CNTNAP2: variants seen among roughly 807,000 people sequenced by gnomAD.
CNTNAP2 encodes the protein contactin associated protein 2, also known as contactin-associated protein-like 2.
A neutral mutation model predicts 155.2 loss-of-function variants in CNTNAP2; 98 were observed. The observed-to-expected ratio is 0.63, with a 90% CI of 0.54 to 0.75. The LOEUF (loss-of-function observed/expected upper bound fraction) is 0.75, where lower values mean the gene tolerates loss of function less well. Among genes scored for constraint, CNTNAP2 ranks in the 30% least tolerant of loss-of-function variants. CNTNAP2 has a pLI of 0.00. For synonymous variants in CNTNAP2, 651 were observed against 631.2 expected (o/e 1.03, Z -0.47); for missense variants, 1,727 against 1,688.1 (o/e 1.02, Z -0.40).
At chr7:147,620,848 C>A (rs539321983) in intron 12 of CNTNAP2, among the ~76,000 whole-genome samples, 2 of 151,820 alleles carry the variant, frequency 1.3e-5, no homozygotes, top group Non-Finnish European at 2.9e-5. Flanking sequence ...AATAACAAAA[C>A]CCTAGGGAAA....
At chr7:147,046,130 C>T (rs1420841299) in intron 4 of CNTNAP2, among the ~76,000 whole-genome samples, 1 of 152,066 alleles carries the variant, frequency 6.6e-6, no homozygotes, top group Non-Finnish European at 1.5e-5. Context: ...AAAGGGAACC[C>T]AGGTAGTCTG....
intron 1 of CNTNAP2, among the ~76,000 whole-genome samples, chr7:146,680,513 G>T (rs1800483272): frequency 6.6e-6 from 1 of 152,124 alleles, no homozygotes; most frequent in Non-Finnish European, 1.5e-5. Context: ...AAGGAAGATA[G>T]AGTTTTGCCT....
At chr7:147,016,775 G>T (rs11982875) in intron 3 of CNTNAP2, among the ~76,000 whole-genome samples, 24,884 of 151,912 alleles carry the variant, frequency 0.16, 2,476 homozygotes, top group African/African-American at 0.27. Context: ...TGTTTTTCAA[G>T]GAAAAATGGG....
At chr7:146,460,227 C>T (rs1005350130) in intron 1 of CNTNAP2, among the ~76,000 whole-genome samples, 3 of 152,116 alleles carry the variant, frequency 2.0e-5, no homozygotes, top group Non-Finnish European at 4.4e-5. Flanking sequence ...CAGTTCAATA[C>T]ATTACTTGTT....
chr7:146,844,508 T>TAG (rs66791103), intron 3 of CNTNAP2, among the ~76,000 whole-genome samples: 5 of 151,518 alleles, frequency 3.3e-5, no homozygotes, highest in South Asian at 2.1e-4. Context: ...TATAATCTGT[T>TAG]AGAGAGAGAG....
intron 15 of CNTNAP2, among the ~76,000 whole-genome samples, chr7:148,023,419 G>A (rs1234425067): frequency 1.3e-5 from 2 of 152,168 alleles, no homozygotes; most frequent in East Asian, 3.9e-4. Context: ...ATATTCATCT[G>A]TTGTTTTGTT....
chr7:147,931,864 T>G (rs1042416977), intron 14 of CNTNAP2, among the ~76,000 whole-genome samples: 2 of 152,088 alleles, frequency 1.3e-5, no homozygotes, highest in African/African-American at 2.4e-5. Flanking sequence ...ATAACATTCT[T>G]TTTTCTTTAT....
At chr7:146,616,996 G>A (rs1488092807) in intron 1 of CNTNAP2, among the ~76,000 whole-genome samples, 1 of 145,502 alleles carries the variant, frequency 6.9e-6, no homozygotes, top group Non-Finnish European at 1.5e-5. Flanking sequence ...GAAAAAGTGT[G>A]TATTCCAGGA....
At chr7:146,754,548 C>CTCTCTG (rs765022121) in intron 1 of CNTNAP2, among the ~76,000 whole-genome samples, 2 of 131,348 alleles carry the variant, frequency 1.5e-5, no homozygotes, top group Admixed American at 7.1e-5. Context: ...CTCTCTCTCT[C>CTCTCTG]TCTCTGTCTC....
chr7:146,560,259 G>A (rs980897096), intron 1 of CNTNAP2, among the ~76,000 whole-genome samples: 2 of 151,920 alleles, frequency 1.3e-5, no homozygotes, highest in African/African-American at 2.4e-5. Context: ...TTTTAATGCC[G>A]ATGAGTTTGT....
intron 13 of CNTNAP2, among the ~76,000 whole-genome samples, chr7:147,740,614 G>T (rs1210002372): frequency 6.6e-6 from 1 of 152,142 alleles, no homozygotes; most frequent in African/African-American, 2.4e-5. Context: ...GAAGAAACTT[G>T]TCATTCACTT....
chr7:147,010,200 C>T (rs1319665296), intron 3 of CNTNAP2, among the ~76,000 whole-genome samples: 4 of 151,570 alleles, frequency 2.6e-5, no homozygotes, highest in South Asian at 2.1e-4. Flanking sequence ...AATAGAGACA[C>T]GGTTTCCCCA....
intron 1 of CNTNAP2, among the ~76,000 whole-genome samples, chr7:146,700,211 G>T (rs1800852092): frequency 6.6e-6 from 1 of 152,028 alleles, no homozygotes. Flanking sequence ...CAGTTTTCTG[G>T]TTGTTGGATC....
chr7:147,364,883 A>T (rs1262454902), intron 9 of CNTNAP2, among the ~76,000 whole-genome samples: 1 of 152,084 alleles, frequency 6.6e-6, no homozygotes, highest in East Asian at 1.9e-4. Flanking sequence ...CCATGTTAAA[A>T]ATTACTTTGG....
At chr7:146,303,576 G>A (rs1800653215) in intron 1 of CNTNAP2, among the ~76,000 whole-genome samples, 1 of 152,144 alleles carries the variant, frequency 6.6e-6, no homozygotes, top group South Asian at 2.1e-4. Context: ...TAGTTGAGCA[G>A]TTTTGAGTGA....
intron 9 of CNTNAP2, among the ~76,000 whole-genome samples, chr7:147,310,706 T>G (rs1272008167): frequency 6.6e-6 from 1 of 151,194 alleles, no homozygotes; most frequent in African/African-American, 2.4e-5. Context: ...TAATGTATCC[T>G]TCATGTTTCA....
In CNTNAP2 at chr7:148,011,127, G is replaced by A. The variant is rs369701042; in HGVS notation, c.2383+33138G>A. On this transcript the variant is annotated intron_variant, in intron 15 of 23. Transcript: ENST00000361727. ...TCCATTTACAATGTAAAAGTCAATA[G>A]CTTCTGTTTTTTGAAATTATATGTA... Among the ~76,000 whole-genome samples the A allele has an allele frequency of 9.2e-5, 14 of 152,076 alleles. No individual in the cohort carries two copies. The East Asian group carries it at 2.7e-3, about 29-fold the overall frequency.
Position 147,111,042 on chromosome 7 carries a change from T to G in CNTNAP2, c.754+2692T>G, listed in dbSNP as rs544178033. On this transcript the variant is annotated intron_variant, in intron 5 of 23. Coordinates refer to ENST00000361727, the MANE Select transcript of CNTNAP2 (RefSeq NM_014141.6). ...CTGCAGCATCACCAGCATCTGTTGT[T>G]TTTTGACTTTTTAATAATAGTCATT... Among the ~76,000 whole-genome samples, 4 of 152,300 alleles carry G rather than the reference T, an allele frequency of 2.6e-5. No individual in the cohort carries two copies. The South Asian group carries it at 8.3e-4, about 32-fold the overall frequency.
At chr7:148,107,558 G>A (rs1344195891) in intron 15 of CNTNAP2, among the ~76,000 whole-genome samples, 1 of 152,164 alleles carries the variant, frequency 6.6e-6, no homozygotes, top group East Asian at 1.9e-4. Context: ...ATAAAATGAG[G>A]CCTAGAGCTG....
Sources: allele counts gnomAD v4.1 joint callset (sites outside exome capture counted in the v4.1 genomes callset), GRCh38; gene constraint gnomAD v4.1.1; transcripts MANE v1.5; gene names NCBI Gene and HGNC (gene_info 2026-07-23, HGNC 2026-07-21).